Variants in PPM1E observed in about 807,000 individuals in gnomAD.
The protein encoded by PPM1E is protein phosphatase 1E.
In PPM1E, 20 loss-of-function variants were observed where a neutral mutation model predicts 65.9. That is an observed-to-expected ratio of 0.30 (90% confidence interval 0.21 to 0.44). The LOEUF is 0.44. Ranked by LOEUF, PPM1E falls within the 20% of genes least tolerant of loss-of-function variation. The pLI is 1.00. For missense variants in PPM1E, 713 were observed against 953.1 expected (o/e 0.75, Z 3.32); for synonymous variants, 352 against 374.9 (o/e 0.94, Z 0.70).
chr17:58,862,127 A>G (rs955067915), intron 1 of PPM1E, among the ~76,000 whole-genome samples: 31 of 152,198 alleles, frequency 2.0e-4, no homozygotes, highest in Non-Finnish European at 3.7e-4. Context: ...ATAGATTCAC[A>G]GTTTCCTGGA....
At chr17:58,967,523 G>T (rs377518346) in intron 3 of PPM1E, among the ~76,000 whole-genome samples, 7,891 of 142,772 alleles carry the variant, frequency 0.055, 225 homozygotes, top group East Asian at 0.075. Context: ...TATATATAGA[G>T]AGAGAGAGAG....
chr17:58,845,543 C>G (rs1427384820), intron 1 of PPM1E, among the ~76,000 whole-genome samples: 1 of 152,114 alleles, frequency 6.6e-6, no homozygotes, highest in African/African-American at 2.4e-5. Context: ...TGCTTTTTGA[C>G]TATGATTTGG....
chr17:58,923,374 A>C (rs1188207310), intron 1 of PPM1E, among the ~76,000 whole-genome samples: 3 of 151,542 alleles, frequency 2.0e-5, no homozygotes, highest in Non-Finnish European at 4.4e-5. Flanking sequence ...AAGCTTTGGG[A>C]GGCAGAAGCT....
chr17:58,756,619 G>C lies in PPM1E; in HGVS notation c.464+158G>C, dbSNP rs1440851241. 1.3e-5 allele frequency among the ~76,000 whole-genome samples: 2 copies of C among 150,130 alleles called. 1 individual carries two copies. On this transcript the variant is annotated intron_variant, in intron 1 of 6. Transcript: ENST00000308249. Reference sequence around the variant, plus strand: ...AAGCGCCCCCGCTGCTCGGACCCGGGCGGTCGGCTGAGAGCTGCCCACGCC... The same window carrying C: ...AAGCGCCCCCGCTGCTCGGACCCGGCCGGTCGGCTGAGAGCTGCCCACGCC...
chr17:58,841,393 T>C (rs1196544615), intron 1 of PPM1E, among the ~76,000 whole-genome samples: 1 of 151,990 alleles, frequency 6.6e-6, no homozygotes, highest in African/African-American at 2.4e-5. Flanking sequence ...ATGGTCAATA[T>C]AAACAGTCAT....
intron 1 of PPM1E, among the ~76,000 whole-genome samples, chr17:58,759,224 C>G (rs1464922673): frequency 6.6e-6 from 1 of 152,116 alleles, no homozygotes; most frequent in Non-Finnish European, 1.5e-5. Context: ...AGCCACTGTA[C>G]TCCAGCCTGA....
chr17:58,766,121 C>G (rs1273745568), intron 1 of PPM1E, among the ~76,000 whole-genome samples: 1 of 150,870 alleles, frequency 6.6e-6, no homozygotes, highest in Admixed American at 6.6e-5. Context: ...CTCAGGTCAT[C>G]CACCCTACTT....
At chr17:58,761,890 A>C (rs553659675) in intron 1 of PPM1E, among the ~76,000 whole-genome samples, 2 of 152,356 alleles carry the variant, frequency 1.3e-5, no homozygotes, top group South Asian at 4.1e-4. Flanking sequence ...ATTTCGGCAA[A>C]GGAAGAAAAC....
intron 1 of PPM1E, among the ~76,000 whole-genome samples, chr17:58,947,925 G>A (rs1435798305): frequency 1.3e-5 from 2 of 152,112 alleles, no homozygotes; most frequent in African/African-American, 4.8e-5. Flanking sequence ...AATGGCTACT[G>A]CCTGGGAGAC....
Position 58,967,834 on chromosome 17 carries a change from TC to T in PPM1E, c.784-1704del, listed in dbSNP as rs1467855890. On this transcript the variant is annotated intron_variant, in intron 3 of 6. Transcript: ENST00000308249. ...TTTTTTTTTTGAAACGGAGTCTCGC[TC>T]GCTCTGTCTCCAGGCTGGAGTGAAG... is the stretch of plus-strand genomic sequence containing the variant. Among the ~76,000 whole-genome samples, 3 of 150,840 alleles carry T rather than the reference TC, an allele frequency of 2.0e-5. No homozygotes were observed. The East Asian group carries it at 5.9e-4, about 30-fold the overall frequency.
At chr17:58,890,667 G>A (rs945778910) in intron 1 of PPM1E, among the ~76,000 whole-genome samples, 1 of 151,958 alleles carries the variant, frequency 6.6e-6, no homozygotes, top group African/African-American at 2.4e-5. Flanking sequence ...ATACATGAAT[G>A]TTTTTTCATT....
intron 1 of PPM1E, among the ~76,000 whole-genome samples, chr17:58,877,199 A>T (rs2051137871): frequency 6.6e-6 from 1 of 152,252 alleles, no homozygotes; most frequent in African/African-American, 2.4e-5. Flanking sequence ...TTACAATATA[A>T]TACAACTATT....
chr17:58,870,511 A>C (rs2051057318), intron 1 of PPM1E, among the ~76,000 whole-genome samples: 1 of 152,002 alleles, frequency 6.6e-6, no homozygotes, highest in Non-Finnish European at 1.5e-5. Context: ...CCCAGTGTTA[A>C]TTTTCCTTCT....
At chr17:58,783,695 A>G (rs2144217422) in intron 1 of PPM1E, among the ~76,000 whole-genome samples, 1 of 152,164 alleles carries the variant, frequency 6.6e-6, no homozygotes, top group South Asian at 2.1e-4. Flanking sequence ...AGGCAGTAGT[A>G]TATTTGTGTA....
At chr17:58,783,493 T>C (rs192545623) in intron 1 of PPM1E, among the ~76,000 whole-genome samples, 2 of 152,220 alleles carry the variant, frequency 1.3e-5, no homozygotes, top group African/African-American at 2.4e-5. Context: ...GGACTTGGCA[T>C]GTATCCAGAT....
At chr17:58,782,892 A>G (rs2050064230) in intron 1 of PPM1E, among the ~76,000 whole-genome samples, 2 of 152,208 alleles carry the variant, frequency 1.3e-5, no homozygotes, top group South Asian at 2.1e-4. Flanking sequence ...CTTTTTTAAT[A>G]CTAACAGCTC....
chr17:58,972,285 G>A lies in PPM1E; in HGVS notation c.1116+10G>A, dbSNP rs575128105. Reference sequence around the variant, plus strand: ...CAAACCAGACAGAGAGGTAAGTATGGTCTGTTTTAATAGAGCCCATGCTCT... The same window carrying A: ...CAAACCAGACAGAGAGGTAAGTATGATCTGTTTTAATAGAGCCCATGCTCT... On this transcript the variant is annotated intron_variant, in intron 5 of 6. Coordinates refer to ENST00000308249, the MANE Select transcript of PPM1E (RefSeq NM_014906.5). The A allele has an allele frequency of 1.2e-5, 19 of 1,612,818 alleles. No individual in the cohort carries two copies. In the South Asian group the frequency reaches 2.0e-4, roughly 17 times the overall value.
intron 1 of PPM1E, among the ~76,000 whole-genome samples, chr17:58,805,681 C>A (rs2050298670): frequency 6.6e-6 from 1 of 151,906 alleles, no homozygotes; most frequent in Non-Finnish European, 1.5e-5. Flanking sequence ...TATGTGACCT[C>A]ACTAAAATAC....
intron 1 of PPM1E, among the ~76,000 whole-genome samples, chr17:58,778,927 C>CATATATATATATATATATATAT (rs59563297): frequency 3.4e-4 from 35 of 103,690 alleles, no homozygotes; most frequent in Non-Finnish European, 4.7e-4. Flanking sequence ...ATGATACATA[C>CATATATATATATATATATATAT]ATATATATAT....
Sources: allele counts gnomAD v4.1 joint callset (sites outside exome capture counted in the v4.1 genomes callset), GRCh38; gene constraint gnomAD v4.1.1; transcripts MANE v1.5; gene names NCBI Gene and HGNC (gene_info 2026-07-23, HGNC 2026-07-21).